TPX2: variants seen among roughly 807,000 people sequenced by gnomAD.
The protein encoded by TPX2 is TPX2 microtubule nucleation factor, also known as targeting protein for Xklp2.
In TPX2, 21 loss-of-function variants were observed where a neutral mutation model predicts 93.6. The observed-to-expected ratio is 0.22, with a 90% confidence interval of 0.16 to 0.32. The LOEUF (loss-of-function observed/expected upper bound fraction) is 0.32. TPX2 is among the 10% of genes least tolerant of loss of function. The pLI, the probability that TPX2 is intolerant of heterozygous loss-of-function variation, is 1.00. For missense variants in TPX2, 776 were observed against 871.1 expected, an observed-to-expected ratio of 0.89 and a Z score of 1.37; for synonymous variants, 281 against 298.3, an observed-to-expected ratio of 0.94 and a Z score of 0.60.
At chr20:31,767,674 C>G (rs2123014886) in intron 5 of TPX2, among the ~76,000 whole-genome samples, 1 of 151,902 alleles carries the variant, frequency 6.6e-6, no homozygotes, top group South Asian at 2.1e-4. Context: ...ACCTCAACCT[C>G]CTGCGTAGCT....
rs892751526 is a variant in TPX2, at chr20:31,801,164, G to T, written c.*84G>T. On this transcript the variant is annotated 3_prime_UTR_variant, in exon 18 of 18. Transcript: ENST00000300403. Reference sequence around the variant, plus strand: ...TAGGACCGTCTTGCTTTGTCATTGGGCATGGAGAGAACCCATTTCTCCAGA... The same window carrying T: ...TAGGACCGTCTTGCTTTGTCATTGGTCATGGAGAGAACCCATTTCTCCAGA... 10 of 1,249,816 alleles carry T rather than the reference G, an allele frequency of 8.0e-6. No homozygotes were observed. In the Admixed American group the frequency reaches 1.6e-4, roughly 20 times the overall value. 77.4% of individuals were successfully genotyped at this position (1,249,816 alleles called of 1,614,324 possible).
intron 15 of TPX2, among the ~76,000 whole-genome samples, chr20:31,794,774 GTGTGTGTGTGTGTGTGTA>G (rs2062125469): frequency 6.6e-6 from 1 of 151,800 alleles, no homozygotes; most frequent in South Asian, 2.1e-4. Flanking sequence ...GTGTGTGTGT[GTGTGTGTGTGTGTGTGTA>G]TGTGTGTGTG....
chr20:31,740,229 G>A (rs961924791), intron 1 of TPX2, among the ~76,000 whole-genome samples: 2 of 152,154 alleles, frequency 1.3e-5, no homozygotes, highest in African/African-American at 4.8e-5. Flanking sequence ...CCCCAAATCA[G>A]GCCTACTTAG....
intron 2 of TPX2, among the ~76,000 whole-genome samples, chr20:31,743,019 G>A (rs1320785440): frequency 6.6e-6 from 1 of 152,026 alleles, no homozygotes; most frequent in Non-Finnish European, 1.5e-5. Context: ...GTTTGAAACC[G>A]GCTGGCCAAC....
rs1380050913 is a variant in TPX2 at position 31,771,493 on chromosome 20, TGGGGAGGA to T, written c.486-63_486-56del. Reference sequence around the variant, plus strand: ...AAATTTAATCCATATGCAGTAGATTTGGGGAGGAGGGTACAGGCTATGCTTCAGGGAAT... The same window carrying T: ...AAATTTAATCCATATGCAGTAGATTTGGGTACAGGCTATGCTTCAGGGAAT... On this transcript the variant is annotated intron_variant, in intron 6 of 17. Transcript: ENST00000300403. The T allele has an allele frequency of 2.6e-6, 4 of 1,548,922 alleles. No individual in the cohort carries two copies. The East Asian group carries it at 6.8e-5, about 26-fold the overall frequency.
chr20:31,760,025 G>T, intron 3 of TPX2, 32 bp from the exon 4 acceptor site: 1 of 1,609,046 alleles, frequency 6.2e-7, no homozygotes, highest in East Asian at 2.2e-5. Context: ...CTTCCTTGCT[G>T]ATCAGACAAT....
rs545315175 is a variant in TPX2 at position 31,769,221 on chromosome 20, C to A, written c.357-1122C>A. Among the ~76,000 whole-genome samples the A allele has an allele frequency of 4.1e-3, 620 of 150,734 alleles. 2 individuals are homozygous for A. The highest frequency in any genetic ancestry group is 5.6e-3 in the Non-Finnish European group (382 of 67,744). ...AAAGTATAATAATAAAAAAAAAAAA[C>A]CACAAAATTTTTTGTTTTTCTTCGA... is the stretch of plus-strand genomic sequence containing the variant. On this transcript the variant is annotated intron_variant, in intron 5 of 17. Coordinates refer to ENST00000300403, the MANE Select transcript of TPX2 (RefSeq NM_012112.5).
chr20:31,747,011 C>G (rs559601558), intron 2 of TPX2, among the ~76,000 whole-genome samples: 20 of 152,296 alleles, frequency 1.3e-4, no homozygotes, highest in Admixed American at 6.5e-4. Flanking sequence ...TTCTCCTTCT[C>G]TGCACTTCCA....
At chr20:31,774,366 T>A (rs1467854265) in intron 7 of TPX2, among the ~76,000 whole-genome samples, 4 of 152,250 alleles carry the variant, frequency 2.6e-5, no homozygotes. Flanking sequence ...ACTGCTACTA[T>A]TGTAAACATT....
At chr20:31,798,315 T>A in intron 16 of TPX2, 50 bp from the exon 17 acceptor site, 1 of 1,611,306 alleles carries the variant, frequency 6.2e-7, no homozygotes, top group Non-Finnish European at 8.5e-7. Context: ...GGGCGTAGGT[T>A]TATGCAAGTC....
chr20:31,769,411 C>T (rs190460872), intron 5 of TPX2, among the ~76,000 whole-genome samples: 20 of 151,282 alleles, frequency 1.3e-4, no homozygotes, highest in Admixed American at 1.3e-4. Context: ...CTCCGCCTCC[C>T]GGGTTCACGC....
At chr20:31,777,442 C>T (rs1158955754) in intron 8 of TPX2, 45 bp from the exon 9 acceptor site, 2 of 1,586,390 alleles carry the variant, frequency 1.3e-6, no homozygotes, top group Non-Finnish European at 1.7e-6. Context: ...ACTGGTGTTC[C>T]CTATCTTAAT....
At chr20:31,764,880 T>C (rs1260699689) in intron 4 of TPX2, among the ~76,000 whole-genome samples, 1 of 152,200 alleles carries the variant, frequency 6.6e-6, no homozygotes, top group Non-Finnish European at 1.5e-5. Flanking sequence ...CAGGAGTCAG[T>C]TCATATGCTA....
chr20:31,786,100 A>G (rs1406545482), intron 12 of TPX2, among the ~76,000 whole-genome samples: 1 of 152,172 alleles, frequency 6.6e-6, no homozygotes, highest in Non-Finnish European at 1.5e-5. Flanking sequence ...TTATATAATA[A>G]TGCACTTAAT....
intron 7 of TPX2, 26 bp from the exon 8 acceptor site, chr20:31,775,841 T>C: frequency 6.6e-7 from 1 of 1,525,892 alleles, no homozygotes. Context: ...CTCTCCTCTC[T>C]TCTCATTTAC....
chr20:31,743,083 G>A (rs995091839), intron 2 of TPX2, among the ~76,000 whole-genome samples: 32 of 152,196 alleles, frequency 2.1e-4, no homozygotes, highest in African/African-American at 7.7e-4. Context: ...GTGTGGTGGT[G>A]CGCATCTGTA....
Position 31,801,138 on chromosome 20 carries a change from C to A in TPX2, c.*58C>A. ...ATGGGACCTGCTCTTAACCTCAAACCTAGGACCGTCTTGCTTTGTCATTGG... is the reference window on the plus strand; with the variant it reads ...ATGGGACCTGCTCTTAACCTCAAACATAGGACCGTCTTGCTTTGTCATTGG... On this transcript the variant is annotated 3_prime_UTR_variant, in exon 18 of 18. Coordinates refer to ENST00000300403, the MANE Select transcript of TPX2 (RefSeq NM_012112.5). The A allele has an allele frequency of 6.8e-7, 1 of 1,470,368 alleles. No individual in the cohort carries two copies. Among genetic ancestry groups the A allele is most frequent in the Non-Finnish European group, 9.5e-7 (1 of 1,049,776 alleles). The allele number at this position is 1,470,368 out of a possible 1,614,324, so 91.1% of individuals were successfully genotyped here.
At chr20:31,747,321 T>C (rs2061789818) in intron 2 of TPX2, among the ~76,000 whole-genome samples, 1 of 152,142 alleles carries the variant, frequency 6.6e-6, no homozygotes, top group Non-Finnish European at 1.5e-5. Flanking sequence ...GGTTTCACCA[T>C]GTTGGCCTGG....
At chr20:31,766,455 GT>G (rs2123010165) in intron 4 of TPX2, 100 bp from the exon 5 acceptor site, 34 of 179,448 alleles carry the variant, frequency 1.9e-4, no homozygotes, top group South Asian at 3.7e-4. Context: ...CTTAGACAGG[GT>G]GTGTGTGTGT....
Sources: gnomAD v4.1 joint callset for allele counts (sites outside exome capture counted in the v4.1 genomes callset) on GRCh38, gnomAD v4.1.1 for gene constraint, MANE v1.5 for transcripts, NCBI Gene and HGNC (gene_info 2026-07-23, HGNC 2026-07-21) for gene names.